Variants in USH2A observed in about 807,000 individuals in gnomAD.
The protein encoded by USH2A is Usher syndrome 2A (autosomal recessive, mild).
Under a neutral mutation model 538.9 loss-of-function variants are expected in USH2A, and 443 were observed. The ratio of observed to expected loss-of-function variants is 0.82; its 90% CI spans 0.76 to 0.89. USH2A has a LOEUF of 0.89. Among genes scored for constraint, USH2A ranks in the 40% least tolerant of loss-of-function variants. USH2A has a pLI of 0.00. For synonymous variants in USH2A, 2,413 were observed against 2,273.5 expected (o/e 1.06, Z -1.75); for missense variants, 6,633 against 6,324.8 (o/e 1.05, Z -1.65).
chr1:215,692,820 G>T (rs186609227), intron 61 of USH2A, among the ~76,000 whole-genome samples: 8 of 152,122 alleles, frequency 5.3e-5, no homozygotes, highest in South Asian at 2.1e-4. Context: ...ACAATGAAAA[G>T]TTCCCCATCT....
intron 61 of USH2A, among the ~76,000 whole-genome samples, chr1:215,705,175 C>A (rs943007913): frequency 2.0e-5 from 3 of 152,130 alleles, no homozygotes; most frequent in African/African-American, 7.2e-5. Context: ...AAATATGCTG[C>A]TAATTCAACA....
intron 26 of USH2A, 135 bp downstream of exon 26, chr1:216,083,321 A>G: frequency 9.7e-7 from 1 of 1,033,410 alleles, no homozygotes; most frequent in Non-Finnish European, 1.4e-6. Context: ...AAAACTAAAA[A>G]TGACTGGGAA....
At chr1:215,858,739 T>G (rs1246719612) in intron 44 of USH2A, among the ~76,000 whole-genome samples, 1 of 152,034 alleles carries the variant, frequency 6.6e-6, no homozygotes, top group African/African-American at 2.4e-5. Flanking sequence ...CAATCCTTGG[T>G]CAGAAATTTT....
chr1:216,267,449 C>T (rs370052702), intron 11 of USH2A, among the ~76,000 whole-genome samples: 3 of 152,016 alleles, frequency 2.0e-5, no homozygotes, highest in African/African-American at 7.2e-5. Flanking sequence ...ATGAGACCAT[C>T]GCCACAGAAG....
At chr1:215,737,575 T>C (rs1324258363) in intron 60 of USH2A, among the ~76,000 whole-genome samples, 1 of 151,964 alleles carries the variant, frequency 6.6e-6, no homozygotes, top group Non-Finnish European at 1.5e-5. Flanking sequence ...TATCTCCCAC[T>C]GTAGTGAAGA....
At chr1:216,000,378 T>C in intron 33 of USH2A, 25 bp downstream of exon 33, 1 of 1,613,052 alleles carries the variant, frequency 6.2e-7, no homozygotes, top group Non-Finnish European at 8.5e-7. Flanking sequence ...AACCAGCATG[T>C]GAGAGAGACA....
intron 27 of USH2A, among the ~76,000 whole-genome samples, chr1:216,074,848 G>A (rs1423794855): frequency 1.3e-5 from 2 of 152,148 alleles, no homozygotes; most frequent in South Asian, 2.1e-4. Context: ...AACAAGTGCT[G>A]TTATAAGAAA....
chr1:215,922,808 A>G (rs953259172), intron 38 of USH2A, among the ~76,000 whole-genome samples: 4 of 152,072 alleles, frequency 2.6e-5, no homozygotes, highest in African/African-American at 9.7e-5. Context: ...GCCATTTTAG[A>G]GATAAGAGAC....
At chr1:215,933,576 G>C (rs1057068282) in intron 38 of USH2A, among the ~76,000 whole-genome samples, 3 of 151,984 alleles carry the variant, frequency 2.0e-5, no homozygotes, top group African/African-American at 4.8e-5. Flanking sequence ...GATACAACAA[G>C]TAATGAATCT....
intron 35 of USH2A, among the ~76,000 whole-genome samples, chr1:215,974,539 T>C (rs1379417962): frequency 2.0e-5 from 3 of 152,170 alleles, no homozygotes; most frequent in African/African-American, 7.2e-5. Context: ...CATCTTTATG[T>C]CCATGAATAC....
intron 50 of USH2A, among the ~76,000 whole-genome samples, chr1:215,791,598 G>A (rs1364566060): frequency 6.6e-6 from 1 of 152,146 alleles, no homozygotes; most frequent in South Asian, 2.1e-4. Flanking sequence ...TTCTAACAGA[G>A]CTTTGGCATA....
chr1:215,642,527 CATT>C (rs1656717030), intron 67 of USH2A, among the ~76,000 whole-genome samples: 2 of 152,284 alleles, frequency 1.3e-5, no homozygotes, highest in Admixed American at 6.5e-5. Context: ...TTTTGTGAGT[CATT>C]GTTAAATCCG....
Position 216,190,347 on chromosome 1 carries a change from G to A in USH2A, c.4272C>T (p.Ser1424=), listed in dbSNP as rs1185925476. Residue 1424 remains serine (S), a synonymous_variant, in exon 20 of 72, where the codon TCC becomes TCT. Coordinates refer to ENST00000307340, the MANE Select transcript of USH2A (RefSeq NM_206933.4). ...AFSQLLHTAK[S]QELSYTVEGL... ...CTTCTACAGTGTAAGATAGTTCTTG[G>A]GATTTAGCAGTGTGCAACAGCTTCA... 1.2e-6 allele frequency: 2 copies of A among 1,611,496 alleles called. No individual in the cohort carries two copies. The highest frequency in any genetic ancestry group is 1.7e-6 in the Non-Finnish European group (2 of 1,178,742).
chr1:216,326,217 A>T (rs898412138), intron 5 of USH2A, among the ~76,000 whole-genome samples: 2 of 152,084 alleles, frequency 1.3e-5, no homozygotes, highest in African/African-American at 4.8e-5. Context: ...GATATATTTA[A>T]TTTTTCCATT....
chr1:215,655,919 A>G (rs1657236304), intron 64 of USH2A, among the ~76,000 whole-genome samples: 1 of 151,890 alleles, frequency 6.6e-6, no homozygotes, highest in Non-Finnish European at 1.5e-5. Flanking sequence ...GTAGTTTAGT[A>G]GAGATGGGGT....
intron 3 of USH2A, among the ~76,000 whole-genome samples, chr1:216,398,368 A>G (rs1553256225): frequency 6.6e-6 from 1 of 152,192 alleles, no homozygotes; most frequent in Admixed American, 6.5e-5. Context: ...TTTAATATCC[A>G]GAAACATCTA....
At chr1:215,902,457 GGAA>G (rs1330857274) in intron 38 of USH2A, among the ~76,000 whole-genome samples, 2 of 152,090 alleles carry the variant, frequency 1.3e-5, no homozygotes, top group African/African-American at 2.4e-5. Flanking sequence ...CTCTTCATGT[GGAA>G]GAAGAACAGC....
At chr1:215,828,625 GCTACGAAGACTTT>G (rs1178078001) in intron 47 of USH2A, among the ~76,000 whole-genome samples, 1 of 152,082 alleles carries the variant, frequency 6.6e-6, no homozygotes, top group African/African-American at 2.4e-5. Flanking sequence ...ATTTGTGAGT[GCTACGAAGACTTT>G]ATACCTCACA....
intron 61 of USH2A, among the ~76,000 whole-genome samples, chr1:215,697,070 A>C (rs1658838771): frequency 6.6e-6 from 1 of 151,882 alleles, no homozygotes; most frequent in African/African-American, 2.4e-5. Context: ...CTCCCACCTC[A>C]GTCCCACAAG....
Sources: gnomAD v4.1 joint callset for allele counts (sites outside exome capture counted in the v4.1 genomes callset) on GRCh38, gnomAD v4.1.1 for gene constraint, MANE v1.5 for transcripts, NCBI Gene and HGNC (gene_info 2026-07-23, HGNC 2026-07-21) for gene names.